MTMR10: variants seen among roughly 807,000 people sequenced by gnomAD.
The protein encoded by MTMR10 is myotubularin-related protein 10.
Under a neutral mutation model 88.1 loss-of-function variants are expected in MTMR10, and 56 were observed. That is an observed-to-expected ratio of 0.64 (90% CI 0.51 to 0.79). MTMR10 has a LOEUF of 0.79. Among genes scored for constraint, MTMR10 ranks in the 30% least tolerant of loss-of-function variants. MTMR10 has a pLI of 0.00. For missense variants in MTMR10, 883 were observed against 924.7 expected (o/e 0.95, Z 0.58); for synonymous variants, 380 against 340.9 (o/e 1.11, Z -1.26).
chr15:30,979,826 T>C (rs544945509), intron 2 of MTMR10, among the ~76,000 whole-genome samples: 3 of 152,324 alleles, frequency 2.0e-5, no homozygotes, highest in Middle Eastern at 3.4e-3. Context: ...AGGAGGAGAA[T>C]ATACTTAATG....
At chr15:30,933,535 G>A in the MTMR10 span, among the ~76,000 whole-genome samples, 2 of 152,070 alleles carry the variant, frequency 1.3e-5, no homozygotes, top group African/African-American at 4.8e-5. Flanking sequence ...TTGTTTTATG[G>A]TCCAGAATAT....
At chr15:30,987,299 C>T (rs2031000118) in intron 2 of MTMR10, among the ~76,000 whole-genome samples, 1 of 152,208 alleles carries the variant, frequency 6.6e-6, no homozygotes, top group Admixed American at 6.5e-5. Context: ...CCTCAGTAAA[C>T]ATCTCAGTGT....
chr15:30,981,567 C>T (rs1057301237), intron 2 of MTMR10, among the ~76,000 whole-genome samples: 3 of 152,204 alleles, frequency 2.0e-5, no homozygotes, highest in Admixed American at 6.5e-5. Flanking sequence ...TCCAAAGCGT[C>T]AAGGTTTTAT....
intron 14 of MTMR10, among the ~76,000 whole-genome samples, chr15:30,944,576 A>G (rs1057292202): frequency 6.6e-5 from 10 of 151,814 alleles, no homozygotes; most frequent in South Asian, 4.2e-4. Context: ...AAAAAAAAAA[A>G]AAAAAAAATT....
At chr15:30,936,699 C>T (rs1233148201), downstream of MTMR10, among the ~76,000 whole-genome samples, 1 of 152,182 alleles carries the variant, frequency 6.6e-6, no homozygotes, top group Non-Finnish European at 1.5e-5. Context: ...CCCACCAAAC[C>T]TCATAGCTTA....
chr15:30,990,922 T>C (rs1213582384), intron 1 of MTMR10, 85 bp from the exon 2 acceptor site: 8 of 1,178,322 alleles, frequency 6.8e-6, no homozygotes, highest in Non-Finnish European at 9.7e-6. Flanking sequence ...TTCTAAGTGA[T>C]GACACATGCG....
intron 14 of MTMR10, chr15:30,946,748 T>A (rs1217058008): frequency 5.7e-6 from 4 of 703,008 alleles, no homozygotes; most frequent in Non-Finnish European, 1.0e-5. Flanking sequence ...AGGAAAATAA[T>A]CTTGTTTTGT....
At chr15:30,988,596 C>A (rs7175951) in intron 2 of MTMR10, among the ~76,000 whole-genome samples, 45,805 of 152,056 alleles carry the variant, frequency 0.3, 7,999 homozygotes, top group African/African-American at 0.5. Context: ...GACTTTTAGC[C>A]ATTTTATAGA....
chr15:30,929,693 A>AATATATAATATATCATAT, the MTMR10 span, among the ~76,000 whole-genome samples: 4 of 104,254 alleles, frequency 3.8e-5, no homozygotes, highest in African/African-American at 3.8e-5. Context: ...AATATATATA[A>AATATATAATATATCATAT]AATATATATT....
rs1019133856 is a variant in MTMR10 at position 30,961,021 on chromosome 15, T to C, written c.618A>G (p.Gly206=). 7.3e-7 allele frequency: 1 copy of C among 1,375,406 alleles called. No homozygotes were observed. The highest frequency in any genetic ancestry group is 2.2e-5 in the Admixed American group (1 of 45,034). 85.2% of individuals were successfully genotyped at this position (1,375,406 alleles called of 1,614,324 possible). A position where few individuals can be genotyped will look rare whatever the true frequency, so the allele number is the denominator to read the frequency against. The stretch of plus-strand genomic sequence containing the variant: ...TGCTGCCACCACCAGCTCCATTACC[T>C]CCTCCTCCTCCTCCTCCTCCATCTC... ...PSGDGGGGGG[G]GNGAGGGSSQ... is the part of the protein sequence containing the mutation. Residue 206 remains glycine, a synonymous_variant, in exon 7 of 16, where the codon GGA becomes GGG. Coordinates refer to ENST00000435680, the MANE Select transcript of MTMR10 (RefSeq NM_017762.3).
At chr15:30,945,342 G>T (rs1009650005) in intron 14 of MTMR10, among the ~76,000 whole-genome samples, 1 of 152,174 alleles carries the variant, frequency 6.6e-6, no homozygotes, top group Non-Finnish European at 1.5e-5. Flanking sequence ...AATACTTGTA[G>T]AAAGTATTTT....
At chr15:30,929,281 C>G in the MTMR10 span, 3 of 1,613,318 alleles carry the variant, frequency 1.9e-6, no homozygotes, top group South Asian at 2.2e-5. Context: ...GCAGCTGATT[C>G]ATGATGCCCC....
the MTMR10 span, chr15:30,922,266 C>G: frequency 2.5e-6 from 4 of 1,613,152 alleles, no homozygotes; most frequent in Non-Finnish European, 3.4e-6. Flanking sequence ...AGCCTTTTGT[C>G]TCAGAGAATT....
At chr15:30,983,511 T>C (rs956754302) in intron 2 of MTMR10, among the ~76,000 whole-genome samples, 37 of 152,240 alleles carry the variant, frequency 2.4e-4, no homozygotes, top group African/African-American at 7.5e-4. Context: ...ACCTTATACA[T>C]TTAGAAATTC....
chr15:30,943,697 T>C lies in MTMR10; in HGVS notation c.1549-625A>G, dbSNP rs535520339. 9.1e-5 allele frequency: 90 copies of C among 985,446 alleles called. No homozygotes were observed. In the African/African-American group the frequency reaches 1.5e-3, roughly 16 times the overall value. The allele number at this position is 985,446 out of a possible 1,614,324, so 61.0% of individuals were successfully genotyped here. A position where few individuals can be genotyped will look rare whatever the true frequency, so the allele number is the denominator to read the frequency against. ...AGGAGTCCACCTCTAGCCCGGACTC[T>C]GGGCGGGTGCAGCCTAGTTATCTGG... On this transcript the variant is annotated intron_variant, in intron 14 of 15. Coordinates refer to ENST00000435680, the MANE Select transcript of MTMR10 (RefSeq NM_017762.3).
At chr15:30,991,180 G>T in intron 1 of MTMR10, 1 of 475,928 alleles carries the variant, frequency 2.1e-6, no homozygotes, top group Non-Finnish European at 3.6e-6. Context: ...AGCTCCCAAG[G>T]CTCCCCTGGG....
intron 14 of MTMR10, chr15:30,944,008 C>A (rs2063128640): frequency 1.0e-6 from 1 of 984,902 alleles, no homozygotes; most frequent in Non-Finnish European, 1.2e-6. Context: ...TCAGTACTCT[C>A]CAAATTTTCT....
At chr15:30,990,960 C>A (rs1254913364) in intron 1 of MTMR10, 123 bp from the exon 2 acceptor site, 5 of 783,428 alleles carry the variant, frequency 6.4e-6, no homozygotes, top group South Asian at 3.5e-5. Flanking sequence ...CATTTAAATT[C>A]TTTCGCATAT....
intron 2 of MTMR10, among the ~76,000 whole-genome samples, chr15:30,987,884 C>G (rs943339193): frequency 2.0e-5 from 3 of 151,486 alleles, no homozygotes; most frequent in African/African-American, 7.3e-5. Context: ...CCCAACACCC[C>G]CGACAGGCCC....
Sources: gnomAD v4.1 joint callset for allele counts (sites outside exome capture counted in the v4.1 genomes callset) on GRCh38, gnomAD v4.1.1 for gene constraint, MANE v1.5 for transcripts, NCBI Gene and HGNC (gene_info 2026-07-23, HGNC 2026-07-21) for gene names.